BRF1: variants seen among roughly 807,000 people sequenced by gnomAD.
BRF1 encodes the protein BRF1 general transcription factor IIIB subunit, also known as transcription factor IIIB 90 kDa subunit.
BRF1 carries 59 observed loss-of-function variants against 81.7 expected under a neutral mutation model. That is an observed-to-expected ratio of 0.72 (90% confidence interval 0.59 to 0.90). The LOEUF (loss-of-function observed/expected upper bound fraction) is 0.90, where lower values mean the gene tolerates loss of function less well. Ranked by LOEUF, BRF1 falls within the 40% of genes least tolerant of loss-of-function variation. The pLI is 0.00. For synonymous variants in BRF1, 491 were observed against 395.6 expected (o/e 1.24, Z -2.86); for missense variants, 1,050 against 936.3 (o/e 1.12, Z -1.58).
intron 1 of BRF1, among the ~76,000 whole-genome samples, chr14:105,297,302 C>T (rs1394366177): frequency 6.6e-6 from 1 of 152,064 alleles, no homozygotes; most frequent in African/African-American, 2.4e-5. Flanking sequence ...GGCACAGTGG[C>T]TCCCACCTGT....
intron 1 of BRF1, among the ~76,000 whole-genome samples, chr14:105,295,186 G>A (rs1034907159): frequency 5.3e-5 from 8 of 151,702 alleles, no homozygotes; most frequent in Admixed American, 3.3e-4. Context: ...AACATCCGGC[G>A]CTGAGCAAAG....
chr14:105,248,051 T>C (rs1183635931), intron 5 of BRF1: 1 of 985,516 alleles, frequency 1.0e-6, no homozygotes, highest in Non-Finnish European at 1.2e-6. Flanking sequence ...CCGCCGGCTG[T>C]GTGACCTTCA....
chr14:105,217,281 T>G (rs1351738046), intron 15 of BRF1: 2 of 588,382 alleles, frequency 3.4e-6, no homozygotes, highest in Admixed American at 6.2e-5. Flanking sequence ...AGCCCCTCCT[T>G]GGGACAAAAC....
At chr14:105,315,583 C>T (rs980541900), upstream of BRF1, 2 of 152,412 alleles carry the variant, frequency 1.3e-5, no homozygotes, top group East Asian at 3.9e-4. This position sits in a 1 kb window ranked among gnomAD's most constrained non-coding sequence, Gnocchi z 4.4. Flanking sequence ...CATTTAGAGG[C>T]GTCGCCAAGC....
rs117427573 is a variant in BRF1 at position 105,243,450 on chromosome 14, C to G, written c.545-2036G>C. Among the ~76,000 whole-genome samples the G allele has an allele frequency of 3.3e-3, 454 of 136,046 alleles. 17 individuals are homozygous for G. The East Asian group carries it at 0.063, about 19-fold the overall frequency. The allele number at this position is 136,046 out of a possible 152,430, so 89.3% of individuals were successfully genotyped here. A position where few individuals can be genotyped will look rare whatever the true frequency, so the allele number is the denominator to read the frequency against. ...GGGCGACAGAGCAGCAAGACTCTGT[C>G]TCTTAAAAAAAAAAAAATAAAAATA... On this transcript the variant is annotated intron_variant, in intron 5 of 17. Coordinates refer to ENST00000547530, the MANE Select transcript of BRF1 (RefSeq NM_001519.4).
chr14:105,219,489 G>A (rs1891901786), intron 12 of BRF1: 2 of 693,578 alleles, frequency 2.9e-6, no homozygotes, highest in East Asian at 2.8e-5. Flanking sequence ...AGCCCTGCCG[G>A]CACCAGGACC....
At chr14:105,229,040 G>T in intron 6 of BRF1, 127 bp from the exon 7 acceptor site, 1 of 829,720 alleles carries the variant, frequency 1.2e-6, no homozygotes, top group Non-Finnish European at 2.0e-6. Flanking sequence ...GTCTGTGCCA[G>T]GCAGTGAGAC....
chr14:105,303,922 C>G (rs1186651102), upstream of BRF1, among the ~76,000 whole-genome samples: 1 of 152,214 alleles, frequency 6.6e-6, no homozygotes, highest in African/African-American at 2.4e-5. Flanking sequence ...GTGACAGCCC[C>G]AAATCTCATA....
At chr14:105,248,081 G>C (rs2055246892) in intron 5 of BRF1, 8 of 985,358 alleles carry the variant, frequency 8.1e-6, no homozygotes, top group African/African-American at 5.2e-5. Context: ...TAACCTCTCT[G>C]TGCCTATTTC....
chr14:105,282,642 G>A (rs1021135010), intron 2 of BRF1, among the ~76,000 whole-genome samples: 1 of 152,182 alleles, frequency 6.6e-6, no homozygotes, highest in African/African-American at 2.4e-5. Flanking sequence ...TTAAAAGTAA[G>A]ATAAATACAG....
At chr14:105,275,194 C>T (rs1264814066) in intron 2 of BRF1, among the ~76,000 whole-genome samples, 1 of 152,226 alleles carries the variant, frequency 6.6e-6, no homozygotes, top group African/African-American at 2.4e-5. Flanking sequence ...AAGCCGGTGG[C>T]CAGGGTACAC....
At chr14:105,242,133 A>G (rs2816651) in intron 5 of BRF1, 38,990 of 152,270 alleles carry the variant, frequency 0.26, 5,196 homozygotes, top group South Asian at 0.29. Context: ...CTCACGACGC[A>G]GCCCCCCTTT....
At chr14:105,303,972 G>A (rs1190668015), upstream of BRF1, among the ~76,000 whole-genome samples, 1 of 152,246 alleles carries the variant, frequency 6.6e-6, no homozygotes, top group Non-Finnish European at 1.5e-5. Context: ...CTGAGGCCAT[G>A]TGGCCACTGG....
chr14:105,209,442 C>T lies in BRF1; in HGVS notation c.*1109G>A, dbSNP rs1889829987. Reference sequence around the variant, plus strand: ...GGCCAAGTTGGGGCAGGACATACAGCCCATTCCATGGGGAGGATGAGGCCC... The same window carrying T: ...GGCCAAGTTGGGGCAGGACATACAGTCCATTCCATGGGGAGGATGAGGCCC... On this transcript the variant is annotated 3_prime_UTR_variant, in exon 18 of 18. Transcript: ENST00000547530. 2.9e-6 allele frequency: 2 copies of T among 694,478 alleles called. No individual in the cohort carries two copies. The highest frequency in any genetic ancestry group is 1.5e-5 in the South Asian group (1 of 66,296). 43.0% of individuals were successfully genotyped at this position (694,478 alleles called of 1,614,324 possible). A position where few individuals can be genotyped will look rare whatever the true frequency, so the allele number is the denominator to read the frequency against.
At chr14:105,228,989 C>G (rs587762742) in intron 6 of BRF1, 76 bp from the exon 7 acceptor site, 17 of 1,328,350 alleles carry the variant, frequency 1.3e-5, no homozygotes, top group Admixed American at 1.7e-5. Context: ...CAGGACAACA[C>G]TGCGGATCCC....
At chr14:105,241,851 G>A in intron 5 of BRF1, 1 of 217,664 alleles carries the variant, frequency 4.6e-6, no homozygotes, top group Non-Finnish European at 9.5e-6. Flanking sequence ...TGAGAGGAGG[G>A]CCCACTTCTG....
intron 6 of BRF1, among the ~76,000 whole-genome samples, chr14:105,241,007 A>T (rs1267906413): frequency 6.6e-6 from 1 of 152,212 alleles, no homozygotes; most frequent in Non-Finnish European, 1.5e-5. Context: ...CCCCAGAAGT[A>T]GGCAACCTGG....
intron 10 of BRF1, among the ~76,000 whole-genome samples, chr14:105,223,902 C>T (rs1176626654): frequency 6.6e-6 from 1 of 152,248 alleles, no homozygotes; most frequent in Non-Finnish European, 1.5e-5. Context: ...GCTACGTGTT[C>T]ATTTCTTGAA....
intron 4 of BRF1, among the ~76,000 whole-genome samples, chr14:105,254,734 G>T (rs1399231218): frequency 6.6e-6 from 1 of 151,766 alleles, no homozygotes; most frequent in Non-Finnish European, 1.5e-5. Flanking sequence ...GCTAATTTTT[G>T]TATTTTTAGT....
Sources: allele counts gnomAD v4.1 joint callset (sites outside exome capture counted in the v4.1 genomes callset), GRCh38; gene constraint gnomAD v4.1.1; non-coding constraint Gnocchi (gnomAD v3.1); transcripts MANE v1.5; gene names NCBI Gene and HGNC (gene_info 2026-07-23, HGNC 2026-07-21).